The following ROCK1 variants were observed in gnomAD, a reference collection of about 807,000 sequenced individuals.
The protein encoded by ROCK1 is rho-associated protein kinase 1.
A neutral mutation model predicts 196.8 loss-of-function variants in ROCK1; 36 were observed. The ratio of observed to expected loss-of-function variants is 0.18; its 90% CI spans 0.14 to 0.24. The LOEUF (loss-of-function observed/expected upper bound fraction) is 0.24, where lower values mean the gene tolerates loss of function less well. ROCK1 is among the 10% of genes least tolerant of loss of function. The pLI is 1.00. For synonymous variants in ROCK1, 443 were observed against 515.9 expected, an observed-to-expected ratio of 0.86 and a Z score of 1.91; for missense variants, 920 against 1,562.0, an observed-to-expected ratio of 0.59 and a Z score of 6.93.
chr18:21,047,999 GAC>G (rs1372085708), intron 4 of ROCK1, among the ~76,000 whole-genome samples: 1 of 152,056 alleles, frequency 6.6e-6, no homozygotes, highest in African/African-American at 2.4e-5. Context: ...CAATACATAA[GAC>G]AGATAAAACA....
At chr18:20,965,253 T>C (rs1568369215) in intron 27 of ROCK1, among the ~76,000 whole-genome samples, 1 of 151,942 alleles carries the variant, frequency 6.6e-6, no homozygotes, top group East Asian at 1.9e-4. Flanking sequence ...TAGCCGGGTG[T>C]GGTGATGTGC....
At chr18:21,038,606 T>C (rs996504338) in intron 9 of ROCK1, among the ~76,000 whole-genome samples, 3 of 152,230 alleles carry the variant, frequency 2.0e-5, no homozygotes, top group African/African-American at 7.2e-5. Flanking sequence ...CTGTCTCAAC[T>C]AGATAGGCAG....
intron 13 of ROCK1, among the ~76,000 whole-genome samples, chr18:21,013,408 G>T (rs1289803908): frequency 1.3e-5 from 2 of 152,184 alleles, no homozygotes; most frequent in African/African-American, 4.8e-5. Context: ...ACTCTACCAG[G>T]CCTCCATTGA....
intron 4 of ROCK1, 34 bp from the exon 5 acceptor site, chr18:21,045,501 C>A (rs562977995): frequency 1.4e-6 from 2 of 1,461,756 alleles, no homozygotes; most frequent in South Asian, 2.8e-5. Flanking sequence ...AAAACACATT[C>A]ATTAATGTTA....
intron 32 of ROCK1, among the ~76,000 whole-genome samples, chr18:20,952,431 C>T (rs1202618904): frequency 1.4e-5 from 2 of 138,648 alleles, no homozygotes; most frequent in African/African-American, 5.5e-5. Flanking sequence ...ATGGTTATGC[C>T]TTATAATTGT....
intron 13 of ROCK1, among the ~76,000 whole-genome samples, chr18:21,013,001 T>G (rs1468791946): frequency 2.6e-5 from 4 of 152,154 alleles, no homozygotes; most frequent in Admixed American, 2.6e-4. Context: ...TCTGAGACTA[T>G]TTTTTTGCTT....
chr18:20,993,480 T>C (rs2136423), intron 16 of ROCK1, among the ~76,000 whole-genome samples: 1,552 of 152,252 alleles, frequency 0.01, 20 homozygotes, highest in African/African-American at 0.036. Flanking sequence ...GGATTACAGG[T>C]GTGAGCCACC....
chr18:20,985,467 A>G (rs1229032670), intron 19 of ROCK1, among the ~76,000 whole-genome samples: 2 of 152,124 alleles, frequency 1.3e-5, no homozygotes, highest in African/African-American at 4.8e-5. Flanking sequence ...CTCAAATGTC[A>G]TACTCTTAGC....
chr18:20,972,863 G>A (rs900946931), intron 22 of ROCK1, among the ~76,000 whole-genome samples: 2 of 152,182 alleles, frequency 1.3e-5, no homozygotes, highest in African/African-American at 2.4e-5. Context: ...AAAGAAAAGT[G>A]GGATGGTGGC....
chr18:21,029,619 T>C (rs288980), intron 9 of ROCK1, among the ~76,000 whole-genome samples: 99,593 of 151,966 alleles, frequency 0.66, 34,816 homozygotes, highest in African/African-American at 0.91. Context: ...AAAAAATGGA[T>C]ATGACATCTT....
At chr18:20,952,292 G>C (rs1202318470) in intron 32 of ROCK1, among the ~76,000 whole-genome samples, 2 of 152,084 alleles carry the variant, frequency 1.3e-5, no homozygotes, top group Non-Finnish European at 2.9e-5. Context: ...TGAGGTGGGA[G>C]AATAGCTTGA....
chr18:20,998,199 C>T (rs1453810747), intron 16 of ROCK1, among the ~76,000 whole-genome samples: 3 of 151,998 alleles, frequency 2.0e-5, no homozygotes, highest in Non-Finnish European at 4.4e-5. Flanking sequence ...TCCTGAATGA[C>T]CAGCGGATTG....
At chr18:21,082,225 G>A (rs1489721910) in intron 1 of ROCK1, among the ~76,000 whole-genome samples, 2 of 152,068 alleles carry the variant, frequency 1.3e-5, no homozygotes, top group Non-Finnish European at 2.9e-5. Context: ...CAGATTGTGA[G>A]TAGGCAGTAT....
chr18:20,954,237 ATGTT>A (rs1375836323), intron 31 of ROCK1, among the ~76,000 whole-genome samples: 1 of 140,626 alleles, frequency 7.1e-6, no homozygotes, highest in African/African-American at 2.7e-5. Context: ...TCTTAGCAGC[ATGTT>A]TGTTTGTTTT....
intron 25 of ROCK1, 145 bp from the exon 26 acceptor site, chr18:20,968,085 G>A (rs1442288770): frequency 1.8e-5 from 13 of 737,672 alleles, no homozygotes; most frequent in Non-Finnish European, 2.3e-5. Context: ...CATGATAACT[G>A]GTAGCACAAG....
chr18:21,091,828 A>G (rs1385066867), intron 1 of ROCK1, among the ~76,000 whole-genome samples: 5 of 151,832 alleles, frequency 3.3e-5, no homozygotes, highest in South Asian at 2.1e-4. Context: ...AAATTAGCCC[A>G]GCGTGGTGTC....
chr18:21,071,815 C>G (rs781128428), intron 1 of ROCK1, among the ~76,000 whole-genome samples: 1 of 152,050 alleles, frequency 6.6e-6, no homozygotes, highest in Non-Finnish European at 1.5e-5. Flanking sequence ...TACATGATAC[C>G]GTTGGGAGAA....
intron 1 of ROCK1, among the ~76,000 whole-genome samples, chr18:21,101,918 T>C (rs906362577): frequency 2.0e-5 from 3 of 151,784 alleles, no homozygotes; most frequent in Non-Finnish European, 4.4e-5. Flanking sequence ...AAGGATGAAA[T>C]GACAATATAT....
intron 12 of ROCK1, among the ~76,000 whole-genome samples, chr18:21,019,590 G>T (rs1196379438): frequency 6.6e-6 from 1 of 151,672 alleles, no homozygotes; most frequent in Non-Finnish European, 1.5e-5. Context: ...TCAGGAGATC[G>T]AGACCATCCT....
Sources: allele counts gnomAD v4.1 joint callset (sites outside exome capture counted in the v4.1 genomes callset), GRCh38; gene constraint gnomAD v4.1.1; transcripts MANE v1.5; gene names NCBI Gene and HGNC (gene_info 2026-07-23, HGNC 2026-07-21).